The following RBPJ variants were observed in gnomAD, a reference collection of about 807,000 sequenced individuals.
The protein encoded by RBPJ is recombining binding protein suppressor of hairless.
In RBPJ, 9 loss-of-function variants were observed where a neutral mutation model predicts 67.8. That is an observed-to-expected ratio of 0.13 (90% CI 0.08 to 0.23). RBPJ has a LOEUF of 0.23. Ranked by LOEUF, RBPJ falls within the 10% of genes least tolerant of loss-of-function variation. RBPJ has a pLI of 1.00. For synonymous variants in RBPJ, 198 were observed against 203.3 expected (o/e 0.97, Z 0.22); for missense variants, 305 against 595.6 (o/e 0.51, Z 5.08).
At chr4:26,231,493 C>A (rs865825059) in intron 1 of RBPJ, among the ~76,000 whole-genome samples, 3 of 151,826 alleles carry the variant, frequency 2.0e-5, no homozygotes, top group Middle Eastern at 6.8e-3. Context: ...CTCACTGCAA[C>A]CTCTGCCTCC....
intron 1 of RBPJ, among the ~76,000 whole-genome samples, chr4:26,276,077 C>T (rs1420613781): frequency 6.6e-6 from 1 of 150,958 alleles, no homozygotes; most frequent in African/African-American, 2.4e-5. Flanking sequence ...GAGTTTGAGA[C>T]CAGCCTGGCC....
At chr4:26,342,749 A>C (rs1460425007) in intron 1 of RBPJ, among the ~76,000 whole-genome samples, 1 of 152,242 alleles carries the variant, frequency 6.6e-6, no homozygotes, top group African/African-American at 2.4e-5. Context: ...GCTAGTCATG[A>C]AACACATTCT....
chr4:26,315,144 C>CA (rs60940172), upstream of RBPJ, among the ~76,000 whole-genome samples: 990 of 10,334 alleles, frequency 0.096, 245 homozygotes, highest in Non-Finnish European at 0.13. Flanking sequence ...GTCTCTGTCT[C>CA]AAAAAAAAAA....
chr4:26,410,939 G>C (rs1025518863), intron 3 of RBPJ, among the ~76,000 whole-genome samples: 10 of 152,200 alleles, frequency 6.6e-5, no homozygotes, highest in Admixed American at 1.3e-4. Context: ...AGAGCTGCTA[G>C]GGAAGATGAG....
chr4:26,411,736 T>C (rs1734037655), intron 3 of RBPJ, among the ~76,000 whole-genome samples: 1 of 152,178 alleles, frequency 6.6e-6, no homozygotes, highest in Non-Finnish European at 1.5e-5. Flanking sequence ...TTTGTCACAG[T>C]ACTTTTGAGA....
At chr4:26,138,711 C>A in the RBPJ span, among the ~76,000 whole-genome samples, 1 of 152,202 alleles carries the variant, frequency 6.6e-6, no homozygotes, top group East Asian at 1.9e-4. Flanking sequence ...GTACATGAAC[C>A]ACTTCATAGA....
Position 26,264,175 on chromosome 4 carries a change from G to A in RBPJ, c.-166-98271G>A, listed in dbSNP as rs1720637215. Reference sequence around the variant, plus strand: ...TGGGATTACAGGCGTGAGCCACGGCGCCTGGCAGACAGATTCATTTGTGTT... The same window carrying A: ...TGGGATTACAGGCGTGAGCCACGGCACCTGGCAGACAGATTCATTTGTGTT... On this transcript the variant is annotated intron_variant, in intron 1 of 4. Coordinates refer to the RBPJ transcript ENST00000512351. This position sits in a 1 kb window ranked among gnomAD's most constrained non-coding sequence, Gnocchi z 4.1. Among the ~76,000 whole-genome samples the A allele has an allele frequency of 6.6e-6, 1 of 152,228 alleles. No homozygotes were observed. Among genetic ancestry groups the A allele is most frequent in the Non-Finnish European group, 1.5e-5 (1 of 68,010 alleles).
Position 26,167,197 on chromosome 4 carries a change from A to G in RBPJ, c.-167+3583A>G, listed in dbSNP as rs545625254. ...TGGCTTAGGATTGACTTGGCGATGC[A>G]GGCTCTTTTTTGGTTCCATATGAAC... On this transcript the variant is annotated intron_variant, in intron 1 of 4. Transcript: ENST00000512351. Among the ~76,000 whole-genome samples, 731 of 152,034 alleles carry G rather than the reference A, an allele frequency of 4.8e-3. 5 individuals are homozygous for G. Among genetic ancestry groups the G allele is most frequent in the African/African-American group, 0.016 (678 of 41,442 alleles).
chr4:26,175,488 G>T (rs6847292), intron 1 of RBPJ, among the ~76,000 whole-genome samples: 2 of 152,184 alleles, frequency 1.3e-5, no homozygotes, highest in South Asian at 4.1e-4. Context: ...CAGGTTTCCC[G>T]CAAGTTGCAG....
rs186035024 is a variant in RBPJ at position 26,388,722 on chromosome 4, A to C, written c.59+2331A>C. 4.9e-4 allele frequency among the ~76,000 whole-genome samples: 75 copies of C among 152,356 alleles called. 2 individuals are homozygous for C. Among genetic ancestry groups the C allele is most frequent in the Admixed American group, 4.8e-3 (74 of 15,300 alleles). ...ATGGACAAAGAGGAGATTAGTAAAC[A>C]TGAAGACATAGCAATAGATACTATC... is the stretch of plus-strand genomic sequence containing the variant. On this transcript the variant is annotated intron_variant, in intron 2 of 10. Coordinates refer to ENST00000355476, the MANE Select transcript of RBPJ (RefSeq NM_015874.6).
rs143664454 is a variant in RBPJ, at chr4:26,324,674, C to A, written c.20+3626C>A. Among the ~76,000 whole-genome samples the A allele has an allele frequency of 4.6e-5, 7 of 152,192 alleles. No homozygotes were observed. In the South Asian group the frequency reaches 1.5e-3, roughly 32 times the overall value. ...CCTCCTGAGTAGCTGGGATTACCAG[C>A]GTACACCATCATACCTGGCTAATTT... On this transcript the variant is annotated intron_variant, in intron 1 of 10. Coordinates refer to ENST00000355476, the MANE Select transcript of RBPJ (RefSeq NM_015874.6).
chr4:26,111,895 A>G, the RBPJ span: 2 of 210,306 alleles, frequency 9.5e-6, no homozygotes, highest in East Asian at 2.2e-4. Flanking sequence ...AGTGTCATTC[A>G]AGGATGTATG....
intron 1 of RBPJ, among the ~76,000 whole-genome samples, chr4:26,217,455 A>T (rs377122877): frequency 6.6e-6 from 1 of 152,112 alleles, no homozygotes; most frequent in East Asian, 1.9e-4. Flanking sequence ...TGCTGCAAGT[A>T]TTCTCATTCT....
rs373537332 is a variant in RBPJ, at chr4:26,268,662, C to CT, written c.-166-93773dup. Among the ~76,000 whole-genome samples, 1,087 of 147,758 alleles carry CT rather than the reference C, an allele frequency of 7.4e-3. 13 individuals are homozygous for CT. The highest frequency in any genetic ancestry group is 0.025 in the African/African-American group (1,005 of 40,532). ...CATTGTCAAACAGCTGGAAGCAAAC[C>CT]TTTTTTTTTTTCCTCTCTCACAACT... On this transcript the variant is annotated intron_variant, in intron 1 of 4. Transcript: ENST00000512351.
intron 1 of RBPJ, among the ~76,000 whole-genome samples, chr4:26,296,230 C>T (rs767269018): frequency 7.2e-5 from 11 of 152,260 alleles, no homozygotes; most frequent in Admixed American, 3.3e-4. Context: ...AGCAATCTCC[C>T]GCTATAATTA....
At chr4:26,148,908 C>A in the RBPJ span, among the ~76,000 whole-genome samples, 3 of 151,934 alleles carry the variant, frequency 2.0e-5, no homozygotes, top group African/African-American at 7.2e-5. Context: ...TGTGGGAAGA[C>A]CTTTCCCCTG....
intron 1 of RBPJ, among the ~76,000 whole-genome samples, chr4:26,346,539 T>C (rs1726169231): frequency 6.6e-6 from 1 of 152,238 alleles, no homozygotes; most frequent in South Asian, 2.1e-4. Context: ...CTGACATCTA[T>C]GTCTGTAGCT....
chr4:26,336,455 T>C (rs917912339), intron 1 of RBPJ, among the ~76,000 whole-genome samples: 2 of 152,070 alleles, frequency 1.3e-5, no homozygotes, highest in Admixed American at 6.6e-5. Context: ...TGGAGACCAG[T>C]CTGGGCAACA....
In RBPJ at chr4:26,297,553, C is replaced by A. The variant is rs180755827; in HGVS notation, c.-166-64893C>A. Among the ~76,000 whole-genome samples, 148 of 151,964 alleles carry A rather than the reference C, an allele frequency of 9.7e-4. 3 individuals are homozygous for A. The East Asian group carries it at 0.023, about 23-fold the overall frequency. On this transcript the variant is annotated intron_variant, in intron 1 of 4. Transcript: ENST00000512351. The stretch of plus-strand genomic sequence containing the variant: ...TACCTGTTACCTTTTTTATAAGTAG[C>A]AGAGGGTAAAATAATATGTCCAAGT...
Sources: gnomAD v4.1 joint callset for allele counts (sites outside exome capture counted in the v4.1 genomes callset) on GRCh38, gnomAD v4.1.1 for gene constraint, Gnocchi (gnomAD v3.1) non-coding constraint, MANE v1.5 for transcripts, NCBI Gene and HGNC (gene_info 2026-07-23, HGNC 2026-07-21) for gene names.